Variants in GPR176 observed in about 807,000 individuals in gnomAD.
GPR176 encodes the protein G-protein coupled receptor 176.
In GPR176, 26 loss-of-function variants were observed where a neutral mutation model predicts 35.4. The ratio of observed to expected loss-of-function variants is 0.74; its 90% CI spans 0.54 to 1.02. GPR176 has a LOEUF of 1.02. Ranked by LOEUF, GPR176 falls within the 50% of genes least tolerant of loss-of-function variation. GPR176 has a pLI of 0.00. For synonymous variants in GPR176, 278 were observed against 271.3 expected, an observed-to-expected ratio of 1.02 and a Z score of -0.24; for missense variants, 597 against 665.3, an observed-to-expected ratio of 0.90 and a Z score of 1.13.
chr15:39,896,636 G>C (rs1284535041), intron 1 of GPR176, among the ~76,000 whole-genome samples: 1 of 152,114 alleles, frequency 6.6e-6, no homozygotes, highest in Non-Finnish European at 1.5e-5. Context: ...CTGACTCAAG[G>C]ACAAAACACT....
At chr15:39,859,500 A>AAC (rs1555407212) in intron 1 of GPR176, among the ~76,000 whole-genome samples, 3 of 151,820 alleles carry the variant, frequency 2.0e-5, no homozygotes, top group South Asian at 4.1e-4. Context: ...TGAAAAAAAA[A>AAC]AAAACAAAAC....
At chr15:39,814,389 C>A (rs1477482213) in intron 1 of GPR176, among the ~76,000 whole-genome samples, 1 of 152,092 alleles carries the variant, frequency 6.6e-6, no homozygotes, top group African/African-American at 2.4e-5. Flanking sequence ...TCATATCATC[C>A]CCTCTTTTAT....
intron 1 of GPR176, among the ~76,000 whole-genome samples, chr15:39,887,297 A>G (rs1324690943): frequency 6.6e-6 from 1 of 152,222 alleles, no homozygotes; most frequent in African/African-American, 2.4e-5. Flanking sequence ...ACAGTCAAGA[A>G]TTAAATTCCA....
rs115259599 is a variant in GPR176 at position 39,808,760 on chromosome 15, C to T, written c.173-1502G>A. Among the ~76,000 whole-genome samples, 11 of 152,298 alleles carry T rather than the reference C, an allele frequency of 7.2e-5. No individual in the cohort carries two copies. The South Asian group carries it at 1.4e-3, about 20-fold the overall frequency. On this transcript the variant is annotated intron_variant, in intron 1 of 2. Coordinates refer to ENST00000561100, the MANE Select transcript of GPR176 (RefSeq NM_007223.3). ...TGAATTTGTAAAATAAGCAGACACACGGTAATCAAAAGTCCCTGTGGTAAG... is the reference window on the plus strand; with the variant it reads ...TGAATTTGTAAAATAAGCAGACACATGGTAATCAAAAGTCCCTGTGGTAAG...
intron 1 of GPR176, among the ~76,000 whole-genome samples, chr15:39,876,790 CT>C (rs926128690): frequency 6.6e-6 from 1 of 151,532 alleles, no homozygotes; most frequent in Non-Finnish European, 1.5e-5. Context: ...GATCCCACCA[CT>C]GTACTCCAGA....
intron 1 of GPR176, among the ~76,000 whole-genome samples, chr15:39,838,264 A>G (rs1901530684): frequency 6.6e-6 from 1 of 152,136 alleles, no homozygotes. Context: ...TCATCTTCTG[A>G]TGCTCCCTCA....
intron 1 of GPR176, among the ~76,000 whole-genome samples, chr15:39,832,834 T>A (rs1051457856): frequency 4.6e-5 from 7 of 152,288 alleles, no homozygotes; most frequent in African/African-American, 1.7e-4. Context: ...GTTCCTTCCA[T>A]CTTCAAAGCC....
chr15:39,904,126 G>A (rs1050567981), intron 1 of GPR176, among the ~76,000 whole-genome samples: 2 of 152,114 alleles, frequency 1.3e-5, no homozygotes, highest in African/African-American at 2.4e-5. Context: ...GGTCACTCTC[G>A]TTGTCATCTT....
Position 39,802,041 on chromosome 15 carries a change from C to T in GPR176, c.639G>A (p.Thr213=), listed in dbSNP as rs761157422. 38 of 1,613,862 alleles carry T rather than the reference C, an allele frequency of 2.4e-5. No individual in the cohort carries two copies. The highest frequency in any genetic ancestry group is 1.6e-4 in the Middle Eastern group (1 of 6,084). The change falls in exon 3 of 3, where the codon ACG becomes ACA. Residue 213 remains threonine (T), a synonymous_variant. Transcript: ENST00000561100. ...ACACCACCACCACAGGCACAATGAC[C>T]GTGGTGATGTTATACACCAGAACGT... ...LVYVLVYNIT[T]VIVPVVVVFL...
At chr15:39,804,260 G>C (rs562397350) in intron 2 of GPR176, among the ~76,000 whole-genome samples, 11 of 151,738 alleles carry the variant, frequency 7.2e-5, no homozygotes, top group African/African-American at 2.7e-4. Context: ...ATGACCTCCC[G>C]ATGAACTTGC....
chr15:39,803,792 G>C (rs1899033217), intron 2 of GPR176, among the ~76,000 whole-genome samples: 1 of 152,214 alleles, frequency 6.6e-6, no homozygotes, highest in Non-Finnish European at 1.5e-5. Context: ...AAAATAGCAA[G>C]AGAGGGAGAC....
rs938731605 is a variant in GPR176 at position 39,850,715 on chromosome 15, G to A, written c.173-43457C>T. Among the ~76,000 whole-genome samples, 8 of 152,074 alleles carry A rather than the reference G, an allele frequency of 5.3e-5. No individual in the cohort carries two copies. The East Asian group carries it at 1.2e-3, about 22-fold the overall frequency. The stretch of plus-strand genomic sequence containing the variant: ...TACAATAATGCAAAATGTTACCATC[G>A]GGGGACATTGGGTTAAGAGTACATG... On this transcript the variant is annotated intron_variant, in intron 1 of 2. Coordinates refer to ENST00000561100, the MANE Select transcript of GPR176 (RefSeq NM_007223.3).
At chr15:39,871,965 T>C (rs2032058593) in intron 1 of GPR176, among the ~76,000 whole-genome samples, 1 of 152,216 alleles carries the variant, frequency 6.6e-6, no homozygotes, top group Non-Finnish European at 1.5e-5. Context: ...GCAAATTAGA[T>C]TGCTTTTTAA....
chr15:39,810,117 G>A (rs1899452129), intron 1 of GPR176, among the ~76,000 whole-genome samples: 1 of 149,764 alleles, frequency 6.7e-6, no homozygotes, highest in African/African-American at 2.5e-5. Flanking sequence ...TCCAGCCTGG[G>A]TGACAGAGTG....
chr15:39,802,011 G>A lies in GPR176; in HGVS notation c.669C>T (p.Leu223=), dbSNP rs774380388. The change falls in exon 3 of 3, where the codon CTC becomes CTT. Residue 223 remains leucine (L), a synonymous_variant. Transcript: ENST00000561100. ...GGGCCCGTCGGATCAGTATCAAGAAGAGGAACACCACCACCACAGGCACAA... is the reference window on the plus strand; with the variant it reads ...GGGCCCGTCGGATCAGTATCAAGAAAAGGAACACCACCACCACAGGCACAA... ...TVIVPVVVVF[L]FLILIRRALS... 18 of 1,613,984 alleles carry A rather than the reference G, an allele frequency of 1.1e-5. No individual in the cohort carries two copies. Among genetic ancestry groups the A allele is most frequent in the Middle Eastern group, 1.6e-4 (1 of 6,084 alleles).
chr15:39,837,532 C>A (rs1164125406), intron 1 of GPR176, among the ~76,000 whole-genome samples: 3 of 152,250 alleles, frequency 2.0e-5, no homozygotes, highest in Admixed American at 6.5e-5. Flanking sequence ...TTCCACAGAT[C>A]CCATGCAAAT....
At chr15:39,903,817 C>T (rs1465689271) in intron 1 of GPR176, among the ~76,000 whole-genome samples, 1 of 152,014 alleles carries the variant, frequency 6.6e-6, no homozygotes, top group Non-Finnish European at 1.5e-5. Flanking sequence ...AATCCAGACC[C>T]CAAGAGAGGA....
At chr15:39,835,099 C>T (rs1429806688) in intron 1 of GPR176, among the ~76,000 whole-genome samples, 1 of 152,044 alleles carries the variant, frequency 6.6e-6, no homozygotes, top group Non-Finnish European at 1.5e-5. Context: ...CTCACCACAA[C>T]CTCTGCCTCC....
At chr15:39,894,753 G>A (rs1207174907) in intron 1 of GPR176, among the ~76,000 whole-genome samples, 1 of 151,234 alleles carries the variant, frequency 6.6e-6, no homozygotes, top group Non-Finnish European at 1.5e-5. Context: ...GCCAGGCAGA[G>A]GGGCTCCTCA....
Sources: allele counts gnomAD v4.1 joint callset (sites outside exome capture counted in the v4.1 genomes callset), GRCh38; gene constraint gnomAD v4.1.1; transcripts MANE v1.5; gene names NCBI Gene and HGNC (gene_info 2026-07-23, HGNC 2026-07-21).